Variants in GOLGA5 observed in about 807,000 individuals in gnomAD.
The protein encoded by GOLGA5 is golgin A5, also known as golgin subfamily A member 5.
A neutral mutation model predicts 93.5 loss-of-function variants in GOLGA5; 50 were observed. That is an observed-to-expected ratio of 0.53 (90% CI 0.43 to 0.68). The LOEUF (loss-of-function observed/expected upper bound fraction) is 0.68, where lower values mean the gene tolerates loss of function less well. Ranked by LOEUF, GOLGA5 falls within the 30% of genes least tolerant of loss-of-function variation. The probability of loss-of-function intolerance (pLI) is 0.00; values close to 1 mark genes in which losing one functional copy is unlikely to be tolerated. For missense variants in GOLGA5, 760 were observed against 856.4 expected (o/e 0.89, Z 1.40); for synonymous variants, 312 against 304.5 (o/e 1.02, Z -0.26).
intron 2 of GOLGA5, among the ~76,000 whole-genome samples, chr14:92,804,640 T>C (rs1566953342): frequency 6.6e-6 from 1 of 150,948 alleles, no homozygotes; most frequent in South Asian, 2.1e-4. Context: ...ACCTTAAAAA[T>C]GTAATAATTT....
intron 9 of GOLGA5, among the ~76,000 whole-genome samples, chr14:92,828,736 G>T (rs10142672): frequency 0.75 from 113,415 of 151,944 alleles, 42,857 homozygotes; most frequent in East Asian, 0.85. Flanking sequence ...TGGCCTGATC[G>T]CAGCTCACTG....
intron 3 of GOLGA5, among the ~76,000 whole-genome samples, chr14:92,807,223 A>G (rs1037573269): frequency 1.3e-5 from 2 of 152,170 alleles, no homozygotes; most frequent in East Asian, 1.9e-4. Context: ...AGTTGCTTGA[A>G]CCAGGGAGGT....
intron 2 of GOLGA5, 113 bp from the exon 3 acceptor site, chr14:92,806,622 CT>C (rs1174079924): frequency 1.4e-6 from 1 of 722,784 alleles, no homozygotes; most frequent in Non-Finnish European, 2.4e-6. Context: ...TGAGAATTTA[CT>C]TTTTATGGTG....
intron 1 of GOLGA5, among the ~76,000 whole-genome samples, chr14:92,796,503 T>G (rs1304191544): frequency 6.6e-6 from 1 of 152,142 alleles, no homozygotes; most frequent in Non-Finnish European, 1.5e-5. Flanking sequence ...TTCCTCCTCT[T>G]AGAAGGACAT....
At position 92,825,185 on chromosome 14, in the gene GOLGA5, C is replaced by T. The variant is rs1885391683; in HGVS notation, c.1719+541C>T. On this transcript the variant is annotated intron_variant, in intron 9 of 12. Transcript: ENST00000163416. ...TGTCCTTTCCTTCCTTAGGTTTAGACAATTGATTTAATGGACTTAATAATC... is the reference window on the plus strand; with the variant it reads ...TGTCCTTTCCTTCCTTAGGTTTAGATAATTGATTTAATGGACTTAATAATC... Among the ~76,000 whole-genome samples, 8 of 152,004 alleles carry T rather than the reference C, an allele frequency of 5.3e-5. No homozygotes were observed. The South Asian group carries it at 1.7e-3, about 32-fold the overall frequency.
intron 9 of GOLGA5, among the ~76,000 whole-genome samples, chr14:92,828,008 C>A (rs932790507): frequency 2.6e-5 from 4 of 152,182 alleles, no homozygotes; most frequent in Admixed American, 2.6e-4. Flanking sequence ...GAAGCCATCT[C>A]CCAAATGTAA....
Position 92,806,838 on chromosome 14 carries a change from A to G in GOLGA5, c.647A>G (p.Asn216Ser), listed in dbSNP as rs757033796. The G allele has an allele frequency of 3.1e-6, 5 of 1,612,082 alleles. 1 individual carries two copies. The South Asian group carries it at 4.4e-5, about 14-fold the overall frequency. ...TGCCCTGACCACACCCCAACACCTA[A>G]TGATGATGGCAAATCACATGAACTG... ...AACPDHTPTP[N>S]DDGKSHELSN... Residue 216 changes from asparagine (N) to serine (S), a missense_variant, in exon 3 of 13, where the codon AAT becomes AGT. Asn to Ser is a conservative substitution (Grantham distance 46, BLOSUM62 1). Transcript: ENST00000163416.
chr14:92,831,881 TTAAG>T (rs748151320), intron 9 of GOLGA5, among the ~76,000 whole-genome samples: 2 of 152,152 alleles, frequency 1.3e-5, no homozygotes, highest in African/African-American at 2.4e-5. Context: ...ATATGTTAAT[TTAAG>T]TAAGCATCAT....
intron 8 of GOLGA5, among the ~76,000 whole-genome samples, chr14:92,823,638 C>T (rs981943322): frequency 1.3e-5 from 2 of 151,990 alleles, no homozygotes; most frequent in Non-Finnish European, 2.9e-5. Flanking sequence ...TGGTCTTGAA[C>T]TCCTGGACTC....
At chr14:92,837,488 T>C in intron 12 of GOLGA5, 39 bp downstream of exon 12, 1 of 817,856 alleles carries the variant, frequency 1.2e-6, no homozygotes, top group South Asian at 1.4e-5. Context: ...ATGCACTTGA[T>C]TTTTAACTAG....
At chr14:92,825,544 T>C (rs1885399240) in intron 9 of GOLGA5, among the ~76,000 whole-genome samples, 1 of 152,196 alleles carries the variant, frequency 6.6e-6, no homozygotes, top group South Asian at 2.1e-4. Context: ...CTACTGTATC[T>C]GAAGTATTGC....
intron 7 of GOLGA5, among the ~76,000 whole-genome samples, chr14:92,818,337 T>G (rs1177381066): frequency 6.6e-6 from 1 of 152,240 alleles, no homozygotes; most frequent in Non-Finnish European, 1.5e-5. Context: ...TTCCTTACCA[T>G]AACTCTGTGA....
chr14:92,798,582 G>A (rs1354588506), intron 2 of GOLGA5, among the ~76,000 whole-genome samples: 3 of 152,186 alleles, frequency 2.0e-5, no homozygotes, highest in Non-Finnish European at 4.4e-5. Context: ...TGAGATTAAC[G>A]TGGTAAATGT....
chr14:92,819,464 TAAA>T (rs57978535), intron 7 of GOLGA5, among the ~76,000 whole-genome samples: 2 of 134,658 alleles, frequency 1.5e-5, no homozygotes, highest in Admixed American at 7.5e-5. Flanking sequence ...TCCCATCTCT[TAAA>T]AAAAAAAAAA....
chr14:92,797,929 T>A lies in GOLGA5; in HGVS notation c.492T>A (p.Ser164Arg). The A allele has an allele frequency of 6.2e-7, 1 of 1,604,676 alleles. No homozygotes were observed. Among genetic ancestry groups the A allele is most frequent in the Non-Finnish European group, 8.5e-7 (1 of 1,177,556 alleles). ...QTSSVSSVNP[S>R]VTTIKTIEEN... The stretch of plus-strand genomic sequence containing the variant: ...CAAGTGTCAGTTCTGTGAACCCCAG[T>A]GTAACCACCATCAAAACCATTGAAG... Residue 164 changes from serine to arginine, a missense_variant, in exon 2 of 13, where the codon AGT becomes AGA. Ser to Arg is a moderately radical substitution (Grantham distance 110). Coordinates refer to ENST00000163416, the MANE Select transcript of GOLGA5 (RefSeq NM_005113.4).
chr14:92,835,139 T>C (rs1235537045), intron 10 of GOLGA5, among the ~76,000 whole-genome samples: 2 of 151,982 alleles, frequency 1.3e-5, no homozygotes, highest in African/African-American at 4.8e-5. Flanking sequence ...CCGTTAGATA[T>C]CTGGATGGAA....
At chr14:92,801,625 T>C (rs1407166976) in intron 2 of GOLGA5, among the ~76,000 whole-genome samples, 3 of 152,186 alleles carry the variant, frequency 2.0e-5, no homozygotes, top group African/African-American at 7.2e-5. Context: ...GTAGATGGCA[T>C]GTGGCTTGTG....
At chr14:92,806,551 G>A (rs1169869368) in intron 2 of GOLGA5, among the ~76,000 whole-genome samples, 185 bp from the exon 3 acceptor site, 1 of 152,118 alleles carries the variant, frequency 6.6e-6, no homozygotes, top group African/African-American at 2.4e-5. Context: ...GACCTCAAGT[G>A]ATCTCCCTGC....
At chr14:92,816,532 G>C (rs539292503) in intron 7 of GOLGA5, 111 bp downstream of exon 7, 121 of 658,996 alleles carry the variant, frequency 1.8e-4, no homozygotes, top group Non-Finnish European at 2.8e-4. Context: ...GCTTCTCTTC[G>C]CTTCGCTTCG....
Sources: gnomAD v4.1 joint callset for allele counts (sites outside exome capture counted in the v4.1 genomes callset) on GRCh38, gnomAD v4.1.1 for gene constraint, MANE v1.5 for transcripts, NCBI Gene and HGNC (gene_info 2026-07-23, HGNC 2026-07-21) for gene names.